Variants in UGT1A1 observed in about 807,000 individuals in gnomAD.
UGT1A1 encodes the protein UDP glucuronosyltransferase family 1 member A1.
A neutral mutation model predicts 40.6 loss-of-function variants in UGT1A1; 33 were observed. The observed-to-expected ratio is 0.81, with a 90% CI of 0.62 to 1.09. The LOEUF (loss-of-function observed/expected upper bound fraction) is 1.09, where lower values mean the gene tolerates loss of function less well. Ranked by LOEUF, UGT1A1 falls within the 50% of genes least tolerant of loss-of-function variation. The pLI, the probability that UGT1A1 is intolerant of heterozygous loss-of-function variation, is 0.00. For missense variants in UGT1A1, 694 were observed against 671.2 expected (o/e 1.03, Z -0.38); for synonymous variants, 249 against 265.0 (o/e 0.94, Z 0.59).
intron 2 of UGT1A1, 44 bp downstream of exon 2, chr2:233,767,209 A>G: frequency 1.2e-6 from 2 of 1,613,062 alleles, no homozygotes; most frequent in Non-Finnish European, 1.7e-6. Flanking sequence ...TTTTCACAGG[A>G]GCGCTAATCC....
chr2:233,761,233 T>G, intron 1 of UGT1A1, 82 bp downstream of exon 1: 1 of 1,613,114 alleles, frequency 6.2e-7, no homozygotes, highest in South Asian at 1.1e-5. Flanking sequence ...CCCAGATATA[T>G]GCTGAGCAAG....
Position 233,772,885 on chromosome 2 carries a change from A to C in UGT1A1, c.*326A>C. ...GGCCTGTTTGGGAGTGCGGGATTCA[A>C]AGGTGGTCCCACGGCTGCCCCTACT... On this transcript the variant is annotated 3_prime_UTR_variant, in exon 5 of 5. Transcript: ENST00000305208. 1.8e-6 allele frequency: 1 copy of C among 555,428 alleles called. No individual in the cohort carries two copies. Among genetic ancestry groups the C allele is most frequent in the Non-Finnish European group, 2.8e-6 (1 of 357,440 alleles). The allele number at this position is 555,428 out of a possible 1,614,324, so 34.4% of individuals were successfully genotyped here.
rs776227074 is a variant in UGT1A1, at chr2:233,767,898, C to T, written c.1046C>T (p.Thr349Met). 11 of 1,614,034 alleles carry T rather than the reference C, an allele frequency of 6.8e-6. No homozygotes were observed. Among genetic ancestry groups the T allele is most frequent in the East Asian group, 4.5e-5 (2 of 44,894 alleles). ...GTRPSNLANN[T>M]ILVKWLPQND... Reference sequence around the variant, plus strand: ...CGACCATCGAATCTTGCGAACAACACGATACTTGTTAAGTGGCTACCCCAA... The same window carrying T: ...CGACCATCGAATCTTGCGAACAACATGATACTTGTTAAGTGGCTACCCCAA... Residue 349 changes from threonine (T) to methionine (M), a missense_variant, in exon 3 of 5, where the codon ACG (threonine) becomes ATG (methionine). Transcript: ENST00000305208.
rs1699273514 is a variant in UGT1A1, at chr2:233,766,902, T to A, written c.865-132T>A. Reference sequence around the variant, plus strand: ...CTGTAAAACTTACATATTAATAATTTTTTACTCTATCTCAAACACGCATGC... The same window carrying A: ...CTGTAAAACTTACATATTAATAATTATTTACTCTATCTCAAACACGCATGC... On this transcript the variant is annotated intron_variant, in intron 1 of 4. Coordinates refer to ENST00000305208, the MANE Select transcript of UGT1A1 (RefSeq NM_000463.3). 3.3e-6 allele frequency: 5 copies of A among 1,493,272 alleles called. No individual in the cohort carries two copies. The South Asian group carries it at 6.7e-5, about 20-fold the overall frequency. The allele number at this position is 1,493,272 out of a possible 1,614,324, so 92.5% of individuals were successfully genotyped here.
chr2:233,760,286 C>T lies in UGT1A1; in HGVS notation c.-2C>T. 6.2e-7 allele frequency: 1 copy of T among 1,613,058 alleles called. No homozygotes were observed. The highest frequency in any genetic ancestry group is 8.5e-7 in the Non-Finnish European group (1 of 1,179,946). On this transcript the variant is annotated 5_prime_UTR_variant, in exon 1 of 5. Transcript: ENST00000305208. ...CGAACCTCTGGCAGGAGCAAAGGCGCCATGGCTGTGGAGTCCCAGGGCGGA... is the reference window on the plus strand; with the variant it reads ...CGAACCTCTGGCAGGAGCAAAGGCGTCATGGCTGTGGAGTCCCAGGGCGGA...
chr2:233,767,170 G>A lies in UGT1A1; in HGVS notation c.996+5G>A. 1.2e-6 allele frequency: 2 copies of A among 1,614,090 alleles called. No homozygotes were observed. Among genetic ancestry groups the A allele is most frequent in the South Asian group, 1.1e-5 (1 of 91,068 alleles). ...TTGGGCAAAATCCCTCAGACAGTAA[G>A]AAGATTCTATACCATGGCCTCATAT... is the stretch of plus-strand genomic sequence containing the variant. On this transcript the variant is annotated splice_donor_5th_base_variant and intron_variant, in intron 2 of 4. Transcript: ENST00000305208.
rs1700524185 is a variant in UGT1A1, at chr2:233,772,466, C to A, written c.1509C>A (p.Ala503=). 6.2e-6 allele frequency: 10 copies of A among 1,614,148 alleles called. No individual in the cohort carries two copies. The highest frequency in any genetic ancestry group is 8.5e-6 in the Non-Finnish European group (10 of 1,180,034). The change falls in exon 5 of 5, where the codon GCC becomes GCA. Residue 503 remains alanine, a synonymous_variant. Coordinates refer to ENST00000305208, the MANE Select transcript of UGT1A1 (RefSeq NM_000463.3). ...GFLLAVVLTV[A]FITFKCCAYG... ...TCTTGGCCGTCGTGCTGACAGTGGCCTTCATCACCTTTAAATGTTGTGCTT... is the reference window on the plus strand; with the variant it reads ...TCTTGGCCGTCGTGCTGACAGTGGCATTCATCACCTTTAAATGTTGTGCTT...
At chr2:233,766,011 C>T (rs921466084) in intron 1 of UGT1A1, among the ~76,000 whole-genome samples, 4 of 152,188 alleles carry the variant, frequency 2.6e-5, no homozygotes, top group African/African-American at 9.6e-5. Context: ...TGGGTTATGG[C>T]CTTCTTTTAG....
At chr2:233,765,256 G>A (rs1698788052) in intron 1 of UGT1A1, among the ~76,000 whole-genome samples, 1 of 152,096 alleles carries the variant, frequency 6.6e-6, no homozygotes, top group African/African-American at 2.4e-5. Flanking sequence ...CCATTACTGG[G>A]TATATACCCA....
chr2:233,761,695 G>T (rs1292253541), intron 1 of UGT1A1, among the ~76,000 whole-genome samples: 1 of 152,240 alleles, frequency 6.6e-6, no homozygotes, highest in East Asian at 1.9e-4. Flanking sequence ...ATACAGAAAG[G>T]TTGTAGGTTT....
At position 233,773,293 on chromosome 2, in the gene UGT1A1, A is replaced by C. The variant is rs1290134629; in HGVS notation, c.*734A>C. The C allele has an allele frequency of 1.3e-5, 2 of 152,208 alleles. No homozygotes were observed. Among genetic ancestry groups the C allele is most frequent in the African/African-American group, 4.8e-5 (2 of 41,466 alleles). The allele number at this position is 152,208 out of a possible 1,614,324, so 9.4% of individuals were successfully genotyped here. ...TAAAAATAAATTAATAAATTTATAT[A>C]AATTCTATTTAAGTGTTTTCACTGG... is the stretch of plus-strand genomic sequence containing the variant. On this transcript the variant is annotated 3_prime_UTR_variant, in exon 5 of 5. Transcript: ENST00000305208.
intron 4 of UGT1A1, 143 bp downstream of exon 4, chr2:233,768,582 CTTTTTT>C (rs139595073): frequency 4.6e-4 from 479 of 1,031,596 alleles, no homozygotes; most frequent in East Asian, 1.4e-3. Context: ...TTTATTTCTT[CTTTTTT>C]TTTTTTTTTT....
chr2:233,769,716 A>G lies in UGT1A1; in HGVS notation c.1304+1277A>G, dbSNP rs1255233011. 6.7e-7 allele frequency: 1 copy of G among 1,492,612 alleles called. No individual in the cohort carries two copies. Among genetic ancestry groups the G allele is most frequent in the East Asian group, 2.5e-5 (1 of 40,446 alleles). The allele number at this position is 1,492,612 out of a possible 1,614,324, so 92.5% of individuals were successfully genotyped here. A position where few individuals can be genotyped will look rare whatever the true frequency, so the allele number is the denominator to read the frequency against. Reference sequence around the variant, plus strand: ...GATAAAAGATCAATGTTGGCTAGGCACCATGGCACACGCCTGTAGTCCCAG... The same window carrying G: ...GATAAAAGATCAATGTTGGCTAGGCGCCATGGCACACGCCTGTAGTCCCAG... On this transcript the variant is annotated intron_variant, in intron 4 of 4. Coordinates refer to ENST00000305208, the MANE Select transcript of UGT1A1 (RefSeq NM_000463.3). The surrounding 1 kb of genome is among the most constrained non-coding windows in gnomAD (Gnocchi z 4.4).
rs753289474 is a variant in UGT1A1, at chr2:233,769,632, G to A, written c.1304+1193G>A. The A allele has an allele frequency of 1.9e-6, 3 of 1,611,424 alleles. No individual in the cohort carries two copies. The highest frequency in any genetic ancestry group is 2.5e-6 in the Non-Finnish European group (3 of 1,179,338). On this transcript the variant is annotated intron_variant, in intron 4 of 4. Coordinates refer to ENST00000305208, the MANE Select transcript of UGT1A1 (RefSeq NM_000463.3). The surrounding 1 kb of genome is among the most constrained non-coding windows in gnomAD (Gnocchi z 4.4). ...CACCAGCTTGAGCAAGGGACAACAGGGGAGGACTGATGACTGACTTCCCAC... is the reference window on the plus strand; with the variant it reads ...CACCAGCTTGAGCAAGGGACAACAGAGGAGGACTGATGACTGACTTCCCAC...
chr2:233,772,287 T>C lies in UGT1A1; in HGVS notation c.1330T>C (p.Ser444Pro), dbSNP rs1575870013. 1 of 1,614,254 alleles carries C rather than the reference T, an allele frequency of 6.2e-7. No individual in the cohort carries two copies. ...TTACAAGGAGAACATCATGCGCCTC[T>C]CCAGCCTTCACAAGGACCGCCCGGT... ...KSYKENIMRL[S>P]SLHKDRPVEP... is the part of the protein sequence containing the mutation. The change falls in exon 5 of 5, where the codon TCC (serine) becomes CCC (proline). Residue 444 changes from serine (S) to proline (P), a missense_variant. Transcript: ENST00000305208.
At position 233,772,036 on chromosome 2, in the gene UGT1A1, C is replaced by T. The variant is rs575173136; in HGVS notation, c.1305-226C>T. Among the ~76,000 whole-genome samples, 3 of 152,210 alleles carry T rather than the reference C, an allele frequency of 2.0e-5. No individual in the cohort carries two copies. The East Asian group carries it at 5.8e-4, about 29-fold the overall frequency. Reference sequence around the variant, plus strand: ...GCTGAGGCAGGAGGATGGCTTGAGCCCAGGAGTTGGAGGCTGCAGTTAGCC... The same window carrying T: ...GCTGAGGCAGGAGGATGGCTTGAGCTCAGGAGTTGGAGGCTGCAGTTAGCC... On this transcript the variant is annotated intron_variant, in intron 4 of 4. Transcript: ENST00000305208.
intron 1 of UGT1A1, among the ~76,000 whole-genome samples, chr2:233,762,024 AT>A (rs967311965): frequency 2.6e-5 from 4 of 151,856 alleles, no homozygotes; most frequent in Non-Finnish European, 4.4e-5. Context: ...TTTGTATTTT[AT>A]TTTTTTTAAT....
Position 233,772,516 on chromosome 2 carries a change from A to T in UGT1A1, c.1559A>T (p.Lys520Ile). The T allele has an allele frequency of 1.2e-6, 2 of 1,614,208 alleles. No individual in the cohort carries two copies. Among genetic ancestry groups the T allele is most frequent in the Non-Finnish European group, 1.7e-6 (2 of 1,180,034 alleles). Reference protein sequence around the residue: ...CAYGYRKCLGKKGRVKKAHKS... With the variant: ...CAYGYRKCLGIKGRVKKAHKS... ...TATGGCTACCGGAAATGCTTGGGGAAAAAAGGGCGAGTTAAGAAAGCCCAC... is the reference window on the plus strand; with the variant it reads ...TATGGCTACCGGAAATGCTTGGGGATAAAAGGGCGAGTTAAGAAAGCCCAC... The change falls in exon 5 of 5, where the codon AAA becomes ATA. Residue 520 changes from lysine (K) to isoleucine (I), a missense_variant. By Grantham distance (102) the Lys-to-Ile change is moderately radical. Transcript: ENST00000305208.
chr2:233,768,189 C>T, intron 3 of UGT1A1, 31 bp from the exon 4 acceptor site: 1 of 1,614,040 alleles, frequency 6.2e-7, no homozygotes. Flanking sequence ...AGAGATGTAA[C>T]TGCTGACATC....
Sources: allele counts gnomAD v4.1 joint callset (sites outside exome capture counted in the v4.1 genomes callset), GRCh38; gene constraint gnomAD v4.1.1; non-coding constraint Gnocchi (gnomAD v3.1); transcripts MANE v1.5; gene names NCBI Gene and HGNC (gene_info 2026-07-23, HGNC 2026-07-21).